Variants in IL17RD observed in about 807,000 individuals in gnomAD.
IL17RD encodes the protein interleukin 17 receptor D.
In IL17RD, 52 loss-of-function variants were observed where a neutral mutation model predicts 80.5. The ratio of observed to expected loss-of-function variants is 0.65; its 90% confidence interval spans 0.52 to 0.81. The LOEUF is 0.81. Ranked by LOEUF, IL17RD falls within the 40% of genes least tolerant of loss-of-function variation. The pLI, the probability that IL17RD is intolerant of heterozygous loss-of-function variation, is 0.00. For synonymous variants in IL17RD, 416 were observed against 391.8 expected (o/e 1.06, Z -0.73); for missense variants, 1,024 against 955.1 (o/e 1.07, Z -0.95).
At position 57,093,054 on chromosome 3, in the gene IL17RD, G is replaced by A. The variant is rs1028360267; in HGVS notation, c.*3339C>T. 4.6e-5 allele frequency: 7 copies of A among 152,084 alleles called. No homozygotes were observed. Among genetic ancestry groups the A allele is most frequent in the African/African-American group, 7.2e-5 (3 of 41,402 alleles). The allele number at this position is 152,084 out of a possible 1,614,324, so 9.4% of individuals were successfully genotyped here. On this transcript the variant is annotated 3_prime_UTR_variant, in exon 13 of 13. Transcript: ENST00000296318. The stretch of plus-strand genomic sequence containing the variant: ...CAGGAAGTACTTCATGGCCACAGTC[G>A]ACTGGAAAATTACCCACTGTGGGTG...
At chr3:57,152,971 A>G (rs1440218356) in intron 1 of IL17RD, among the ~76,000 whole-genome samples, 1 of 152,166 alleles carries the variant, frequency 6.6e-6, no homozygotes, top group East Asian at 1.9e-4. Context: ...ATAGGAACTC[A>G]TTCCCCGTCT....
At chr3:57,148,028 TA>T (rs1198561378) in intron 1 of IL17RD, among the ~76,000 whole-genome samples, 1 of 125,508 alleles carries the variant, frequency 8.0e-6, no homozygotes, top group Non-Finnish European at 1.6e-5. Context: ...ATATAAAAAA[TA>T]AAGAATGTTG....
intron 1 of IL17RD, chr3:57,164,839 G>A (rs2060334905): frequency 2.9e-6 from 3 of 1,051,856 alleles, no homozygotes; most frequent in Non-Finnish European, 3.5e-6. Context: ...GGAGGTCCCG[G>A]GCCAAGAACA....
At chr3:57,159,054 T>C (rs115372877) in intron 1 of IL17RD, among the ~76,000 whole-genome samples, 2,083 of 152,248 alleles carry the variant, frequency 0.014, 48 homozygotes, top group African/African-American at 0.046. Flanking sequence ...AATTGTTGAT[T>C]GGATTGCTTT....
At chr3:57,096,547 T>C (rs745657399) in intron 12 of IL17RD, 42 bp from the exon 13 acceptor site, 3 of 1,345,088 alleles carry the variant, frequency 2.2e-6, no homozygotes, top group East Asian at 4.6e-5. Flanking sequence ...GTCATTGCAT[T>C]TCACTGGGCT....
intron 1 of IL17RD, 165 bp downstream of exon 1, chr3:57,164,996 G>A (rs899489048): frequency 4.5e-6 from 6 of 1,335,124 alleles, no homozygotes; most frequent in African/African-American, 1.6e-5. Flanking sequence ...ACACGCGTCC[G>A]GGGAGGGAAA....
chr3:57,123,826 C>A (rs1167831598), intron 1 of IL17RD, among the ~76,000 whole-genome samples: 2 of 152,066 alleles, frequency 1.3e-5, no homozygotes, highest in Non-Finnish European at 2.9e-5. Flanking sequence ...GGTGGATCAC[C>A]TGAAGTCAGG....
chr3:57,158,287 C>T (rs1235169164), intron 1 of IL17RD, among the ~76,000 whole-genome samples: 3 of 152,214 alleles, frequency 2.0e-5, no homozygotes, highest in African/African-American at 4.8e-5. Context: ...TTACAATTTA[C>T]TAAGCTTCCA....
At chr3:57,113,002 T>C (rs951202894) in intron 3 of IL17RD, among the ~76,000 whole-genome samples, 7 of 152,280 alleles carry the variant, frequency 4.6e-5, no homozygotes, top group East Asian at 1.9e-4. Flanking sequence ...CCTCTACAGA[T>C]TGGGAAGCTG....
At chr3:57,168,599 G>A (rs923314199), upstream of IL17RD, among the ~76,000 whole-genome samples, 2 of 152,196 alleles carry the variant, frequency 1.3e-5, no homozygotes, top group African/African-American at 4.8e-5. Flanking sequence ...GTCAAATCTG[G>A]TCAGGAAATT....
intron 1 of IL17RD, among the ~76,000 whole-genome samples, chr3:57,126,595 C>T (rs1038402097): frequency 6.6e-6 from 1 of 152,176 alleles, no homozygotes; most frequent in African/African-American, 2.4e-5. Flanking sequence ...CATTCTAAGC[C>T]ATTTGAAGAC....
rs189430546 is a variant in IL17RD, at chr3:57,117,455, T to C, written c.185-2638A>G. On this transcript the variant is annotated intron_variant, in intron 2 of 12. Transcript: ENST00000296318. ...ATTAAGAAAATTTAATATAACCTAC[T>C]TGGGCATACCACCTCAGAATGTAAA... Among the ~76,000 whole-genome samples, 533 of 152,256 alleles carry C rather than the reference T, an allele frequency of 3.5e-3. 17 individuals carry two copies. The highest frequency in any genetic ancestry group is 0.033 in the Admixed American group (509 of 15,296).
rs982767162 is a variant in IL17RD, at chr3:57,114,924, T to C, written c.185-107A>G. 5.6e-6 allele frequency: 5 copies of C among 892,660 alleles called. No homozygotes were observed. In the East Asian group the frequency reaches 1.5e-4, roughly 26 times the overall value. 55.3% of individuals were successfully genotyped at this position (892,660 alleles called of 1,614,324 possible). On this transcript the variant is annotated intron_variant, in intron 2 of 12. Coordinates refer to ENST00000296318, the MANE Select transcript of IL17RD (RefSeq NM_017563.5). Reference sequence around the variant, plus strand: ...CATGTCTGAAGGTGGCCAAATCCATTCTGTTAAAGATGTGTCCCTCAAAAG... The same window carrying C: ...CATGTCTGAAGGTGGCCAAATCCATCCTGTTAAAGATGTGTCCCTCAAAAG...
chr3:57,153,644 C>T (rs1347967260), intron 1 of IL17RD, among the ~76,000 whole-genome samples: 1 of 152,144 alleles, frequency 6.6e-6, no homozygotes, highest in Admixed American at 6.5e-5. Flanking sequence ...TAACTTTAGA[C>T]AAAGGGGAAA....
Position 57,096,011 on chromosome 3 carries a change from A to G in IL17RD, c.*382T>C. The stretch of plus-strand genomic sequence containing the variant: ...TTCACAAAGCATTTCAAATCAAGGT[A>G]GCCAATAGCAAACAGGCAAAGTTTG... On this transcript the variant is annotated 3_prime_UTR_variant, in exon 13 of 13. Transcript: ENST00000296318. The G allele has an allele frequency of 5.7e-6, 1 of 175,268 alleles. No individual in the cohort carries two copies. The highest frequency in any genetic ancestry group is 1.2e-5 in the Non-Finnish European group (1 of 82,694). The allele number at this position is 175,268 out of a possible 1,614,324, so 10.9% of individuals were successfully genotyped here.
chr3:57,168,130 C>T (rs1250233189), upstream of IL17RD, among the ~76,000 whole-genome samples: 2 of 152,204 alleles, frequency 1.3e-5, no homozygotes, highest in Non-Finnish European at 2.9e-5. Flanking sequence ...CCACTCCTGG[C>T]CCATTTGTCC....
intron 1 of IL17RD, among the ~76,000 whole-genome samples, chr3:57,163,802 A>AGGGGGGGGGGG (rs1559489790): frequency 4.1e-4 from 3 of 7,378 alleles, no homozygotes; most frequent in Admixed American, 2.4e-3. Context: ...GCGGGGGGGG[A>AGGGGGGGGGGG]AGGGGGTGGC....
chr3:57,157,909 G>A (rs548742355), intron 1 of IL17RD, among the ~76,000 whole-genome samples: 1 of 152,024 alleles, frequency 6.6e-6, no homozygotes, highest in African/African-American at 2.4e-5. Flanking sequence ...TTTTTTAAAG[G>A]GTTACTATTC....
chr3:57,169,816 C>A (rs2060361901), upstream of IL17RD, among the ~76,000 whole-genome samples: 1 of 141,466 alleles, frequency 7.1e-6, no homozygotes, highest in Admixed American at 7.3e-5. Context: ...GAACTGGTAC[C>A]CACCTGCAAG....
Sources: allele counts gnomAD v4.1 joint callset (sites outside exome capture counted in the v4.1 genomes callset), GRCh38; gene constraint gnomAD v4.1.1; transcripts MANE v1.5; gene names NCBI Gene and HGNC (gene_info 2026-07-23, HGNC 2026-07-21).